The following RARB variants were observed in gnomAD, a reference collection of about 807,000 sequenced individuals.
The protein encoded by RARB is retinoic acid receptor beta.
A neutral mutation model predicts 51.9 loss-of-function variants in RARB; 17 were observed. The observed-to-expected ratio is 0.33, with a 90% CI of 0.22 to 0.49. The LOEUF (loss-of-function observed/expected upper bound fraction) is 0.49, where lower values mean the gene tolerates loss of function less well. Among genes scored for constraint, RARB ranks in the 20% least tolerant of loss-of-function variants. The pLI is 0.99. For synonymous variants in RARB, 215 were observed against 195.4 expected, an observed-to-expected ratio of 1.10 and a Z score of -0.84; for missense variants, 369 against 550.8, an observed-to-expected ratio of 0.67 and a Z score of 3.30.
intron 3 of RARB, among the ~76,000 whole-genome samples, chr3:25,069,112 T>C (rs1345088227): frequency 1.3e-5 from 2 of 151,700 alleles, no homozygotes; most frequent in Non-Finnish European, 2.9e-5. Flanking sequence ...CAGACAAATC[T>C]TTTCTCTGAT....
intron 5 of RARB, among the ~76,000 whole-genome samples, chr3:25,186,158 C>T (rs1700969828): frequency 6.6e-6 from 1 of 151,952 alleles, no homozygotes; most frequent in Non-Finnish European, 1.5e-5. Context: ...GAAAAATAAA[C>T]AAAAGATTTT....
At chr3:24,829,606 A>G (rs547910320) in intron 1 of RARB, among the ~76,000 whole-genome samples, 1 of 152,264 alleles carries the variant, frequency 6.6e-6, no homozygotes, top group South Asian at 2.1e-4. Context: ...GGAGCCCGCG[A>G]CCGATCCCAG....
chr3:25,317,452 A>G (rs1161001087), intron 5 of RARB, among the ~76,000 whole-genome samples: 1 of 152,190 alleles, frequency 6.6e-6, no homozygotes, highest in African/African-American at 2.4e-5. Context: ...AATCTTGAAC[A>G]GCAAAGACTT....
intron 5 of RARB, among the ~76,000 whole-genome samples, chr3:25,368,217 C>T (rs1226792410): frequency 6.6e-6 from 1 of 151,940 alleles, no homozygotes; most frequent in Non-Finnish European, 1.5e-5. Context: ...TAGCAGAATC[C>T]AAATTTGTTT....
chr3:25,094,362 A>G (rs1699255110), intron 3 of RARB, among the ~76,000 whole-genome samples: 2 of 152,182 alleles, frequency 1.3e-5, no homozygotes, highest in Non-Finnish European at 2.9e-5. Context: ...TGTCCTGGGC[A>G]AATAGCAAAA....
chr3:24,907,828 T>C (rs1484147219), intron 2 of RARB, among the ~76,000 whole-genome samples: 2 of 152,078 alleles, frequency 1.3e-5, no homozygotes, highest in Non-Finnish European at 2.9e-5. Flanking sequence ...AATATAGAAA[T>C]GAACTTAATA....
chr3:24,931,072 A>C (rs1409780774), intron 2 of RARB, among the ~76,000 whole-genome samples: 1 of 152,078 alleles, frequency 6.6e-6, no homozygotes, highest in African/African-American at 2.4e-5. Context: ...TCAAGGTCAC[A>C]CAACTCTTAA....
rs529391358 is a variant in RARB at position 25,161,726 on chromosome 3, C to A, written c.-279-12393C>A. ...GAGCTAGTTTTGTGTGTGTATCTTA[C>A]TCACTTCTTTTTTCCAAAATGTTGA... On this transcript the variant is annotated intron_variant, in intron 4 of 11. Transcript: ENST00000383772. 1.6e-3 allele frequency among the ~76,000 whole-genome samples: 243 copies of A among 152,250 alleles called. 1 individual carries two copies. The highest frequency in any genetic ancestry group is 5.7e-3 in the African/African-American group (237 of 41,554).
At chr3:25,553,987 A>G (rs1355035049) in intron 3 of RARB, among the ~76,000 whole-genome samples, 1 of 151,748 alleles carries the variant, frequency 6.6e-6, no homozygotes, top group Non-Finnish European at 1.5e-5. Flanking sequence ...AGCCCATGTC[A>G]CCTGTGTTTG....
chr3:25,445,238 C>T (rs1280179686), intron 1 of RARB, among the ~76,000 whole-genome samples: 3 of 152,176 alleles, frequency 2.0e-5, no homozygotes, highest in Admixed American at 2.0e-4. Context: ...GCATGTGCCA[C>T]CCCGCCCAGC....
chr3:25,090,445 A>G (rs1314395454), intron 3 of RARB, among the ~76,000 whole-genome samples: 1 of 152,126 alleles, frequency 6.6e-6, no homozygotes, highest in Non-Finnish European at 1.5e-5. Context: ...ATAACTTCCA[A>G]ACTTTAAAAA....
chr3:25,211,916 T>A (rs535958740), intron 5 of RARB, among the ~76,000 whole-genome samples: 1 of 152,216 alleles, frequency 6.6e-6, no homozygotes, highest in African/African-American at 2.4e-5. Flanking sequence ...TCACTTTCCC[T>A]TTCTTGCATA....
intron 4 of RARB, among the ~76,000 whole-genome samples, chr3:25,157,128 G>C (rs1401444550): frequency 6.6e-6 from 1 of 152,136 alleles, no homozygotes; most frequent in East Asian, 1.9e-4. Flanking sequence ...TAAATGAATG[G>C]ATAAGTAATA....
intron 2 of RARB, among the ~76,000 whole-genome samples, chr3:24,967,793 G>C (rs1280090194): frequency 6.6e-6 from 1 of 152,116 alleles, no homozygotes; most frequent in Non-Finnish European, 1.5e-5. Context: ...GCAGTTTATT[G>C]GATTATTGGA....
intron 4 of RARB, among the ~76,000 whole-genome samples, chr3:25,160,242 C>T (rs1379296833): frequency 6.6e-6 from 1 of 152,168 alleles, no homozygotes; most frequent in Non-Finnish European, 1.5e-5. Flanking sequence ...ACATAATTTC[C>T]ACATGGCAAA....
At chr3:25,318,114 T>C (rs1704475296) in intron 5 of RARB, among the ~76,000 whole-genome samples, 1 of 152,222 alleles carries the variant, frequency 6.6e-6, no homozygotes, top group Admixed American at 6.5e-5. Flanking sequence ...TAGTACACTT[T>C]TTAAATTAAC....
chr3:25,069,582 A>G (rs901426131), intron 3 of RARB, among the ~76,000 whole-genome samples: 15 of 152,144 alleles, frequency 9.9e-5, no homozygotes, highest in Admixed American at 5.9e-4. Flanking sequence ...TCCTCATCTC[A>G]CTGTCTACCA....
intron 4 of RARB, among the ~76,000 whole-genome samples, chr3:25,151,058 T>C (rs1700279720): frequency 6.6e-6 from 1 of 152,230 alleles, no homozygotes. Flanking sequence ...CCCCTTTGAC[T>C]AGAGTGGCCT....
intron 5 of RARB, among the ~76,000 whole-genome samples, chr3:25,279,572 G>C (rs111798946): frequency 2.7e-5 from 4 of 150,718 alleles, no homozygotes; most frequent in African/African-American, 9.8e-5. Context: ...AGTTACTACT[G>C]ATCTATTAAA....
Sources: allele counts gnomAD v4.1 joint callset (sites outside exome capture counted in the v4.1 genomes callset), GRCh38; gene constraint gnomAD v4.1.1; transcripts MANE v1.5; gene names NCBI Gene and HGNC (gene_info 2026-07-23, HGNC 2026-07-21).